LRRTM4: variants seen among roughly 807,000 people sequenced by gnomAD.
LRRTM4 encodes the protein leucine-rich repeat transmembrane neuronal protein 4.
In LRRTM4, 25 loss-of-function variants were observed where a neutral mutation model predicts 47.6. The observed-to-expected ratio is 0.53, with a 90% CI of 0.38 to 0.73. The LOEUF is 0.73. Among genes scored for constraint, LRRTM4 ranks in the 30% least tolerant of loss-of-function variants. The pLI, the probability that LRRTM4 is intolerant of heterozygous loss-of-function variation, is 0.00. For missense variants in LRRTM4, 638 were observed against 713.4 expected (o/e 0.89, Z 1.20); for synonymous variants, 311 against 269.5 (o/e 1.15, Z -1.51).
intron 3 of LRRTM4, among the ~76,000 whole-genome samples, chr2:76,978,849 C>T (rs986368191): frequency 2.0e-5 from 3 of 152,026 alleles, no homozygotes; most frequent in Admixed American, 2.0e-4. Context: ...AATGCAGTGT[C>T]TTACCTTTCC....
chr2:77,364,445 A>G (rs966099144), intron 3 of LRRTM4, among the ~76,000 whole-genome samples: 5 of 152,106 alleles, frequency 3.3e-5, no homozygotes, highest in Non-Finnish European at 5.9e-5. Flanking sequence ...CTAAATGCTC[A>G]CTTACAGGCA....
intron 3 of LRRTM4, among the ~76,000 whole-genome samples, chr2:77,052,984 A>G (rs1225472432): frequency 2.6e-5 from 4 of 152,128 alleles, no homozygotes; most frequent in African/African-American, 7.2e-5. Context: ...GAAAGGCTAA[A>G]AAAAAAAACT....
chr2:76,907,712 C>T (rs1466636785), intron 3 of LRRTM4, among the ~76,000 whole-genome samples: 1 of 117,334 alleles, frequency 8.5e-6, no homozygotes, highest in Admixed American at 9.3e-5. Flanking sequence ...ATACTACAAA[C>T]ACCTCTACGC....
At chr2:76,813,469 G>A (rs1029233664) in intron 3 of LRRTM4, among the ~76,000 whole-genome samples, 1 of 152,180 alleles carries the variant, frequency 6.6e-6, no homozygotes, top group South Asian at 2.1e-4. Flanking sequence ...CCAAGACACA[G>A]AGTATAAAAA....
chr2:77,233,132 T>C (rs1675012461), intron 3 of LRRTM4, among the ~76,000 whole-genome samples: 1 of 152,208 alleles, frequency 6.6e-6, no homozygotes, highest in Non-Finnish European at 1.5e-5. Context: ...ACAAATCATA[T>C]GACAAATTAG....
intron 3 of LRRTM4, among the ~76,000 whole-genome samples, chr2:76,781,669 G>C (rs537705493): frequency 1.3e-5 from 2 of 152,236 alleles, no homozygotes; most frequent in Non-Finnish European, 2.9e-5. Context: ...CTCCCAATGA[G>C]ATTAACCCGG....
intron 3 of LRRTM4, among the ~76,000 whole-genome samples, chr2:76,919,266 T>C (rs182404266): frequency 3.9e-5 from 6 of 152,248 alleles, no homozygotes; most frequent in Admixed American, 6.5e-5. Flanking sequence ...CAATTCCCCA[T>C]AGCAAAAACA....
At chr2:77,445,200 G>A (rs1308323918) in intron 3 of LRRTM4, among the ~76,000 whole-genome samples, 1 of 151,956 alleles carries the variant, frequency 6.6e-6, no homozygotes, top group Admixed American at 6.6e-5. Context: ...GCCTGGACAA[G>A]CTACCCAATC....
chr2:77,226,226 T>G (rs1674801474), intron 3 of LRRTM4, among the ~76,000 whole-genome samples: 1 of 151,860 alleles, frequency 6.6e-6, no homozygotes, highest in Admixed American at 6.6e-5. Context: ...CAAAGCAGCC[T>G]ATTACCTATA....
In LRRTM4 at chr2:76,801,505, G is replaced by A. The variant is rs187959873; in HGVS notation, c.1552-52589C>T. Reference sequence around the variant, plus strand: ...CAGGAAGGAGAATATCACACTCTGGGGACTGTTGTGGTGTGGGGGGAGGGG... The same window carrying A: ...CAGGAAGGAGAATATCACACTCTGGAGACTGTTGTGGTGTGGGGGGAGGGG... On this transcript the variant is annotated intron_variant, in intron 3 of 3. Transcript: ENST00000409884. Among the ~76,000 whole-genome samples the A allele has an allele frequency of 2.0e-5, 3 of 152,108 alleles. No individual in the cohort carries two copies. In the East Asian group the frequency reaches 5.8e-4, roughly 30 times the overall value.
At chr2:77,466,057 T>C (rs1240386862) in intron 3 of LRRTM4, among the ~76,000 whole-genome samples, 6 of 152,180 alleles carry the variant, frequency 3.9e-5, no homozygotes, top group South Asian at 2.1e-4. Context: ...ACTCCTTTTA[T>C]GTAAGGAGAA....
intron 3 of LRRTM4, among the ~76,000 whole-genome samples, chr2:76,947,193 TAGTAGA>T (rs1256376037): frequency 2.6e-5 from 4 of 151,952 alleles, no homozygotes; most frequent in East Asian, 1.9e-4. Flanking sequence ...TAATAAGTAG[TAGTAGA>T]AGTAGAACTA....
chr2:77,128,098 G>A (rs192147303), intron 3 of LRRTM4, among the ~76,000 whole-genome samples: 25 of 151,282 alleles, frequency 1.7e-4, no homozygotes, highest in African/African-American at 4.9e-4. Context: ...AGCCAAGATC[G>A]CGCCACTGCA....
chr2:76,919,895 C>A (rs535835869), intron 3 of LRRTM4, among the ~76,000 whole-genome samples: 12 of 152,256 alleles, frequency 7.9e-5, no homozygotes, highest in African/African-American at 2.6e-4. Context: ...CAACTTTAAA[C>A]AGATGCAACA....
intron 3 of LRRTM4, among the ~76,000 whole-genome samples, chr2:77,183,069 C>A (rs1270191372): frequency 1.1e-4 from 16 of 152,078 alleles, no homozygotes; most frequent in East Asian, 5.8e-4. Flanking sequence ...GCAACAAAAG[C>A]CAAAATTGAC....
intron 3 of LRRTM4, among the ~76,000 whole-genome samples, chr2:76,779,880 G>T (rs1366222050): frequency 6.6e-6 from 1 of 152,116 alleles, no homozygotes; most frequent in African/African-American, 2.4e-5. Context: ...ATTTTGGCAT[G>T]ATTTTGCAGC....
intron 3 of LRRTM4, among the ~76,000 whole-genome samples, chr2:76,957,405 T>C (rs1381536968): frequency 6.6e-6 from 1 of 151,782 alleles, no homozygotes; most frequent in Admixed American, 6.6e-5. Context: ...TCATATTATA[T>C]GGTTTTTCCA....
rs183116109 is a variant in LRRTM4, at chr2:76,957,953, T to C, written c.1552-209037A>G. 3.5e-3 allele frequency among the ~76,000 whole-genome samples: 529 copies of C among 151,748 alleles called. 1 individual carries two copies. The highest frequency in any genetic ancestry group is 0.01 in the African/African-American group (433 of 41,472). On this transcript the variant is annotated intron_variant, in intron 3 of 3. Transcript: ENST00000409884. The stretch of plus-strand genomic sequence containing the variant: ...ATATGTGTGTGTGTATATATATTTA[T>C]ATATAATTTTAATCAACATAAAGTC...
intron 3 of LRRTM4, among the ~76,000 whole-genome samples, chr2:77,025,575 C>G (rs1678426806): frequency 6.6e-6 from 1 of 152,144 alleles, no homozygotes; most frequent in Non-Finnish European, 1.5e-5. Context: ...CAATAATCAT[C>G]ATCCAAATAA....
Sources: gnomAD v4.1 joint callset for allele counts (sites outside exome capture counted in the v4.1 genomes callset) on GRCh38, gnomAD v4.1.1 for gene constraint, MANE v1.5 for transcripts, NCBI Gene and HGNC (gene_info 2026-07-23, HGNC 2026-07-21) for gene names.